The following TDO2 variants were observed in gnomAD, a reference collection of about 807,000 sequenced individuals.
TDO2 encodes the protein tryptophan 2,3-dioxygenase.
A neutral mutation model predicts 61.2 loss-of-function variants in TDO2; 63 were observed. The ratio of observed to expected loss-of-function variants is 1.03; its 90% CI spans 0.84 to 1.27. TDO2 has a LOEUF of 1.27. TDO2 is among the 50% of genes most tolerant of loss of function. The pLI is 0.00. For synonymous variants in TDO2, 183 were observed against 164.0 expected (o/e 1.12, Z -0.89); for missense variants, 494 against 469.5 (o/e 1.05, Z -0.48).
At chr4:155,904,199 T>C in intron 2 of TDO2, 76 bp downstream of exon 2, 2 of 1,093,294 alleles carry the variant, frequency 1.8e-6, no homozygotes, top group Non-Finnish European at 2.7e-6. Context: ...TTTTATGATT[T>C]TATTTCTTGG....
In TDO2 at chr4:155,905,287, A is replaced by G. The variant is rs1192606721; in HGVS notation, c.232+130A>G. On this transcript the variant is annotated intron_variant, in intron 3 of 11. Coordinates refer to ENST00000536354, the MANE Select transcript of TDO2 (RefSeq NM_005651.4). ...ACCTCTGTTAGAAATGTTTGAGAAT[A>G]TTTTGCTGCCAGATGAATTCTCATA... The G allele has an allele frequency of 9.3e-6, 7 of 749,062 alleles. No individual in the cohort carries two copies. In the East Asian group the frequency reaches 1.7e-4, roughly 19 times the overall value. 46.4% of individuals were successfully genotyped at this position (749,062 alleles called of 1,614,324 possible).
intron 9 of TDO2, 110 bp downstream of exon 9, chr4:155,916,022 T>C: frequency 4.4e-6 from 4 of 913,460 alleles, no homozygotes; most frequent in Non-Finnish European, 4.8e-6. Context: ...AGTAATTTAG[T>C]TTTTGTAGAA....
chr4:155,914,506 A>G (rs1742895372), intron 8 of TDO2, 72 bp downstream of exon 8: 5 of 1,026,098 alleles, frequency 4.9e-6, no homozygotes, highest in Admixed American at 3.1e-5. Context: ...ATTTTATAAG[A>G]CTATCAAGCC....
rs574834319 is a variant in TDO2 at position 155,906,582 on chromosome 4, T to C, written c.233-1140T>C. ...TTTAATTTATTCATAAAAATAAAAA[T>C]AATCACCCAATATTTACTTTATGCC... On this transcript the variant is annotated intron_variant, in intron 3 of 11. Coordinates refer to ENST00000536354, the MANE Select transcript of TDO2 (RefSeq NM_005651.4). The C allele has an allele frequency of 3.9e-5, 6 of 152,258 alleles. No homozygotes were observed. The South Asian group carries it at 1.2e-3, about 32-fold the overall frequency. 9.4% of individuals were successfully genotyped at this position (152,258 alleles called of 1,614,324 possible). A position where few individuals can be genotyped will look rare whatever the true frequency, so the allele number is the denominator to read the frequency against.
rs151020427 is a variant in TDO2, at chr4:155,915,564, A to T, written c.839-291A>T. 4.3e-3 allele frequency among the ~76,000 whole-genome samples: 652 copies of T among 152,318 alleles called. 3 individuals carry two copies. The highest frequency in any genetic ancestry group is 0.015 in the African/African-American group (623 of 41,572). Reference sequence around the variant, plus strand: ...TTTTACTCGGAAAATGAATTTTATTATGAAAGTCAAGTGTTTTCTAGAAAA... The same window carrying T: ...TTTTACTCGGAAAATGAATTTTATTTTGAAAGTCAAGTGTTTTCTAGAAAA... On this transcript the variant is annotated intron_variant, in intron 8 of 11. Coordinates refer to ENST00000536354, the MANE Select transcript of TDO2 (RefSeq NM_005651.4).
At position 155,917,369 on chromosome 4, in the gene TDO2, T is replaced by G; in HGVS notation, c.897-26T>G. On this transcript the variant is annotated intron_variant, in intron 9 of 11. Transcript: ENST00000536354. ...ACACTCGATTTACTTGAATATATTC[T>G]TCTTTTTCTTCTTTTTTTCCTTTAG... 3 of 1,581,788 alleles carry G rather than the reference T, an allele frequency of 1.9e-6. No individual in the cohort carries two copies. The South Asian group carries it at 3.4e-5, about 18-fold the overall frequency.
chr4:155,910,271 C>T, intron 6 of TDO2, 60 bp downstream of exon 6: 1 of 1,359,402 alleles, frequency 7.4e-7, no homozygotes, highest in Non-Finnish European at 9.9e-7. Context: ...TTAGCTTTTG[C>T]TAAATCAGAA....
At chr4:155,913,144 C>T (rs894994632) in intron 7 of TDO2, among the ~76,000 whole-genome samples, 3 of 152,128 alleles carry the variant, frequency 2.0e-5, no homozygotes, top group African/African-American at 4.8e-5. Context: ...CCCAGTATGC[C>T]TCTATTCCAA....
chr4:155,910,620 C>T (rs1185184343), intron 6 of TDO2, among the ~76,000 whole-genome samples: 1 of 152,054 alleles, frequency 6.6e-6, no homozygotes, highest in African/African-American at 2.4e-5. Context: ...AACTAAATTA[C>T]TAAGAATATA....
At chr4:155,916,314 C>T (rs1284250314) in intron 9 of TDO2, among the ~76,000 whole-genome samples, 1 of 144,488 alleles carries the variant, frequency 6.9e-6, no homozygotes, top group African/African-American at 2.5e-5. Flanking sequence ...ACTACAGGCG[C>T]CCACCACCAC....
intron 7 of TDO2, among the ~76,000 whole-genome samples, chr4:155,911,994 G>A (rs2110875521): frequency 6.6e-6 from 1 of 152,254 alleles, no homozygotes; most frequent in Admixed American, 6.5e-5. Context: ...GCAGCTCTCA[G>A]ACAATGTCAG....
chr4:155,912,356 T>C (rs1742850381), intron 7 of TDO2, among the ~76,000 whole-genome samples: 1 of 152,300 alleles, frequency 6.6e-6, no homozygotes, highest in Non-Finnish European at 1.5e-5. Flanking sequence ...AGAATAGTTA[T>C]CTCTCAGCTA....
At chr4:155,915,643 AT>A (rs1742917882) in intron 8 of TDO2, among the ~76,000 whole-genome samples, 1 of 152,140 alleles carries the variant, frequency 6.6e-6, no homozygotes, top group Non-Finnish European at 1.5e-5. Flanking sequence ...AAATATGTAC[AT>A]TTTTAGTTTG....
chr4:155,917,394 G>A lies in TDO2; in HGVS notation c.897-1G>A. 3.1e-6 allele frequency: 5 copies of A among 1,604,404 alleles called. No individual in the cohort carries two copies. Among genetic ancestry groups the A allele is most frequent in the South Asian group, 2.2e-5 (2 of 89,684 alleles). On this transcript the variant is annotated splice_acceptor_variant, in intron 9 of 11. Coordinates refer to ENST00000536354, the MANE Select transcript of TDO2 (RefSeq NM_005651.4). LOFTEE classifies it high-confidence loss of function. The stretch of plus-strand genomic sequence containing the variant: ...TTCTTTTTCTTCTTTTTTTCCTTTA[G>A]GGAAGAGCCTAGGTTCCAGGTGCCT...
intron 5 of TDO2, 95 bp downstream of exon 5, chr4:155,909,109 G>A (rs1223184182): frequency 3.8e-6 from 5 of 1,307,122 alleles, no homozygotes; most frequent in Non-Finnish European, 4.0e-6. Context: ...GCCATGAGGA[G>A]CCTGTCTTAC....
intron 10 of TDO2, 111 bp from the exon 11 acceptor site, chr4:155,918,038 G>T (rs1482958309): frequency 9.5e-7 from 1 of 1,056,602 alleles, no homozygotes; most frequent in East Asian, 2.6e-5. Flanking sequence ...CCAAGTGTTA[G>T]TTGTCAACAT....
intron 2 of TDO2, among the ~76,000 whole-genome samples, chr4:155,904,626 A>AT (rs899981299): frequency 6.6e-5 from 10 of 151,876 alleles, no homozygotes; most frequent in African/African-American, 2.4e-4. Context: ...TTTGTCTTCT[A>AT]TTTTTTTTAA....
chr4:155,903,965 T>A, intron 1 of TDO2, 53 bp from the exon 2 acceptor site: 2 of 1,534,132 alleles, frequency 1.3e-6, no homozygotes, highest in South Asian at 2.3e-5. Context: ...TATCATTAGT[T>A]AACTGTGTTT....
chr4:155,918,312 A>G (rs563163672), intron 11 of TDO2, 73 bp downstream of exon 11: 50 of 1,421,706 alleles, frequency 3.5e-5, no homozygotes, highest in Middle Eastern at 1.9e-4. Context: ...TACATTTGCT[A>G]TCTAAAAAAA....
Sources: allele counts gnomAD v4.1 joint callset (sites outside exome capture counted in the v4.1 genomes callset), GRCh38; gene constraint gnomAD v4.1.1; transcripts MANE v1.5; gene names NCBI Gene and HGNC (gene_info 2026-07-23, HGNC 2026-07-21).